Variants in CDC42BPA observed in about 807,000 individuals in gnomAD.
CDC42BPA encodes CDC42 binding protein kinase alpha, also known as serine/threonine-protein kinase MRCK alpha.
Under a neutral mutation model 223.5 loss-of-function variants are expected in CDC42BPA, and 80 were observed. The ratio of observed to expected loss-of-function variants is 0.36; its 90% CI spans 0.30 to 0.43. The LOEUF is 0.43. Ranked by LOEUF, CDC42BPA falls within the 20% of genes least tolerant of loss-of-function variation. The pLI is 1.00. For synonymous variants in CDC42BPA, 694 were observed against 718.6 expected, an observed-to-expected ratio of 0.97 and a Z score of 0.55; for missense variants, 1,743 against 2,099.9, an observed-to-expected ratio of 0.83 and a Z score of 3.32.
chr1:227,188,923 G>T (rs115302983), intron 5 of CDC42BPA, among the ~76,000 whole-genome samples: 7,499 of 152,132 alleles, frequency 0.049, 197 homozygotes, highest in Non-Finnish European at 0.065. Context: ...TGTTGATAGT[G>T]GGGGAGGCTG....
chr1:227,272,238 T>C (rs1686076432), intron 1 of CDC42BPA, among the ~76,000 whole-genome samples: 1 of 152,158 alleles, frequency 6.6e-6, no homozygotes, highest in Non-Finnish European at 1.5e-5. Context: ...GCTCTTAAAG[T>C]GTGTTCTAAA....
chr1:227,040,235 C>T lies in CDC42BPA; in HGVS notation c.3095G>A (p.Arg1032His), dbSNP rs140416725. 760 of 1,585,448 alleles carry T rather than the reference C, an allele frequency of 4.8e-4. 9 individuals carry two copies. In the South Asian group the frequency reaches 7.4e-3, roughly 15 times the overall value. The change falls in exon 24 of 37, where the codon CGC (arginine) becomes CAC (histidine). Residue 1032 changes from arginine to histidine, a missense_variant and splice_region_variant. Around this residue, in one of 6 missense-constraint regions of CDC42BPA, gnomAD observed 678 missense variants for 777.5 expected, o/e 0.87. Transcript: ENST00000366766. ...CPGSTGFPPKRKTHQFFVKSF... is the reference protein window; with the variant it reads ...CPGSTGFPPKHKTHQFFVKSF... Reference sequence around the variant, plus strand: ...TTTTACAAAAAACTGGTGAGTCTTGCGCTGCAAAACAAATTGATAAAAAAA... The same window carrying T: ...TTTTACAAAAAACTGGTGAGTCTTGTGCTGCAAAACAAATTGATAAAAAAA...
chr1:227,086,738 C>T (rs1681999863), intron 16 of CDC42BPA, among the ~76,000 whole-genome samples: 2 of 150,788 alleles, frequency 1.3e-5, no homozygotes, highest in Non-Finnish European at 2.9e-5. Flanking sequence ...GTCATCTCCA[C>T]TCACTGCAGC....
chr1:227,267,146 C>T (rs937244863), intron 1 of CDC42BPA, among the ~76,000 whole-genome samples: 1 of 152,168 alleles, frequency 6.6e-6, no homozygotes, highest in African/African-American at 2.4e-5. Flanking sequence ...TTAATTTATG[C>T]ATTTTTATAA....
chr1:227,005,718 A>T (rs1663886101), intron 34 of CDC42BPA, among the ~76,000 whole-genome samples: 1 of 152,232 alleles, frequency 6.6e-6, no homozygotes, highest in East Asian at 1.9e-4. Context: ...CTAATTTCTG[A>T]TGTAAATGGT....
At chr1:227,162,545 G>T (rs1361977146) in intron 5 of CDC42BPA, among the ~76,000 whole-genome samples, 1 of 152,192 alleles carries the variant, frequency 6.6e-6, no homozygotes. Context: ...CATCAGCTGG[G>T]TGTGATAGTT....
chr1:227,032,669 T>TG (rs1195298012), intron 27 of CDC42BPA, among the ~76,000 whole-genome samples: 2 of 152,206 alleles, frequency 1.3e-5, no homozygotes, highest in Non-Finnish European at 2.9e-5. Context: ...TCAAAGGGCC[T>TG]GGCAGCTTAT....
chr1:227,089,650 T>TAA (rs1682709404), intron 16 of CDC42BPA, among the ~76,000 whole-genome samples: 19 of 132,922 alleles, frequency 1.4e-4, no homozygotes, highest in Non-Finnish European at 2.9e-4. Context: ...TTTTTTTTTT[T>TAA]TAAAAACAAA....
At chr1:227,017,702 A>G (rs899350443) in intron 32 of CDC42BPA, among the ~76,000 whole-genome samples, 8 of 152,196 alleles carry the variant, frequency 5.3e-5, no homozygotes, top group African/African-American at 1.9e-4. Flanking sequence ...GTCTTATCCG[A>G]TGTCAGTTTT....
chr1:227,295,416 C>T (rs1690494176), intron 1 of CDC42BPA, among the ~76,000 whole-genome samples: 1 of 152,010 alleles, frequency 6.6e-6, no homozygotes, highest in African/African-American at 2.4e-5. Flanking sequence ...ACCTCAGCCT[C>T]TCAAAGTGCT....
intron 10 of CDC42BPA, among the ~76,000 whole-genome samples, chr1:227,130,278 G>A (rs1468203982): frequency 6.6e-6 from 1 of 152,050 alleles, no homozygotes; most frequent in African/African-American, 2.4e-5. Context: ...CTTTGTGTGT[G>A]CATATGTACG....
At position 227,129,228 on chromosome 1, in the gene CDC42BPA, G is replaced by T; in HGVS notation, c.1394C>A (p.Ser465Ter). 6.4e-7 allele frequency: 1 copy of T among 1,561,990 alleles called. No homozygotes were observed. Among genetic ancestry groups the T allele is most frequent in the South Asian group, 1.2e-5 (1 of 82,122 alleles). Residue 465 changes from serine (S) to a stop codon, truncating the protein, a stop_gained, in exon 11 of 37, where the codon TCA becomes TAA. Coordinates refer to ENST00000366766, the MANE Select transcript of CDC42BPA (RefSeq NM_001394014.1). LOFTEE classifies it high-confidence loss of function. ...CTGCAGAGCTTGGACAGTCTGTGTT[G>T]ACTCTTTAAAAAAAAGGATAAAAGA... ...KLELSRKLQE[S>*]TQTVQALQYS...
At chr1:227,016,266 A>C (rs562708745) in intron 33 of CDC42BPA, 69 bp from the exon 34 acceptor site, 1 of 838,020 alleles carries the variant, frequency 1.2e-6, no homozygotes, top group South Asian at 1.4e-5. Context: ...AAAAAAATTA[A>C]GCTTAATTTT....
chr1:227,223,841 G>A (rs1676364874), intron 2 of CDC42BPA, among the ~76,000 whole-genome samples: 2 of 152,074 alleles, frequency 1.3e-5, no homozygotes, highest in Admixed American at 6.6e-5. Flanking sequence ...CAGTTGCAGC[G>A]AGCCACAGCT....
chr1:227,210,277 T>C (rs1036390931), intron 3 of CDC42BPA, among the ~76,000 whole-genome samples: 2 of 152,182 alleles, frequency 1.3e-5, no homozygotes, highest in Non-Finnish European at 2.9e-5. Flanking sequence ...TCGAGGACTA[T>C]TTATCTTAAA....
At chr1:227,301,778 T>C (rs753937976) in intron 1 of CDC42BPA, among the ~76,000 whole-genome samples, 3 of 152,154 alleles carry the variant, frequency 2.0e-5, no homozygotes, top group Non-Finnish European at 4.4e-5. Context: ...TTACGCCCCG[T>C]ACCTACTATC....
At chr1:227,043,044 C>G (rs1671711128) in intron 23 of CDC42BPA, among the ~76,000 whole-genome samples, 2 of 152,098 alleles carry the variant, frequency 1.3e-5, no homozygotes, top group South Asian at 4.1e-4. Context: ...ACTTTTACCA[C>G]TAATAAATGA....
At chr1:227,315,784 T>A (rs1194720032) in intron 1 of CDC42BPA, among the ~76,000 whole-genome samples, 2 of 152,166 alleles carry the variant, frequency 1.3e-5, no homozygotes, top group African/African-American at 4.8e-5. Flanking sequence ...AGTCTGGCAG[T>A]CTGTTTTGAA....
intron 10 of CDC42BPA, among the ~76,000 whole-genome samples, chr1:227,136,400 G>C (rs751405609): frequency 6.6e-6 from 1 of 152,114 alleles, no homozygotes; most frequent in East Asian, 1.9e-4. Flanking sequence ...GGAAATGTGA[G>C]ATACCATCTA....
Sources: gnomAD v4.1 joint callset for allele counts (sites outside exome capture counted in the v4.1 genomes callset) on GRCh38, gnomAD v4.1.1 for gene constraint, gnomAD v4.1.1 regional missense constraint, MANE v1.5 for transcripts, NCBI Gene and HGNC (gene_info 2026-07-23, HGNC 2026-07-21) for gene names.